The following CAMKMT variants were observed in gnomAD, a reference collection of about 807,000 sequenced individuals.
CAMKMT encodes CaM KMT.
In CAMKMT, 53 loss-of-function variants were observed where a neutral mutation model predicts 48.0. The observed-to-expected ratio is 1.10, with a 90% CI of 0.89 to 1.39. CAMKMT has a LOEUF of 1.39. Ranked by LOEUF, CAMKMT falls within the 40% of genes most tolerant of loss-of-function variation. The pLI is 0.00. For missense variants in CAMKMT, 428 were observed against 402.7 expected, an observed-to-expected ratio of 1.06 and a Z score of -0.54; for synonymous variants, 165 against 152.3, an observed-to-expected ratio of 1.08 and a Z score of -0.61.
chr2:44,606,154 A>G (rs1001550082), intron 3 of CAMKMT, among the ~76,000 whole-genome samples: 2 of 152,142 alleles, frequency 1.3e-5, no homozygotes, highest in Non-Finnish European at 1.5e-5. Flanking sequence ...GCTGTCTACT[A>G]CTTTCCCCAA....
chr2:44,583,271 GAC>G (rs1335725755), intron 3 of CAMKMT, among the ~76,000 whole-genome samples: 1 of 152,094 alleles, frequency 6.6e-6, no homozygotes, highest in South Asian at 2.1e-4. Context: ...CAATGAGCAA[GAC>G]ACACACACAG....
chr2:44,627,183 T>C (rs975436892), intron 3 of CAMKMT, among the ~76,000 whole-genome samples: 1 of 152,214 alleles, frequency 6.6e-6, no homozygotes, highest in Non-Finnish European at 1.5e-5. Context: ...TTTCTAATGT[T>C]AATTCAACCT....
intron 9 of CAMKMT, among the ~76,000 whole-genome samples, chr2:44,756,978 A>G (rs1680409569): frequency 6.6e-6 from 1 of 152,160 alleles, no homozygotes; most frequent in Admixed American, 6.5e-5. Context: ...ACAAACCCCA[A>G]GTCTACATTA....
intron 6 of CAMKMT, 70 bp from the exon 7 acceptor site, chr2:44,715,217 A>G: frequency 1.0e-6 from 1 of 982,078 alleles, no homozygotes; most frequent in Non-Finnish European, 1.5e-6. Context: ...AAAAAAGATA[A>G]CTGTTTCTGG....
At chr2:44,416,330 C>T (rs1005187773) in intron 3 of CAMKMT, among the ~76,000 whole-genome samples, 9 of 152,088 alleles carry the variant, frequency 5.9e-5, no homozygotes, top group Middle Eastern at 3.4e-3. Flanking sequence ...CAGAAATGCA[C>T]CAATTTTGAT....
intron 7 of CAMKMT, among the ~76,000 whole-genome samples, chr2:44,729,133 T>C (rs1678951702): frequency 6.6e-6 from 1 of 152,010 alleles, no homozygotes; most frequent in African/African-American, 2.4e-5. Flanking sequence ...GAGAAGTGAC[T>C]GTACGTAGAA....
At chr2:44,670,976 C>G (rs1347367824) in intron 3 of CAMKMT, among the ~76,000 whole-genome samples, 1 of 152,150 alleles carries the variant, frequency 6.6e-6, no homozygotes, top group Non-Finnish European at 1.5e-5. Context: ...TGACTTTTTA[C>G]CAGGCCTTCT....
At chr2:44,705,366 G>C (rs1457393654) in intron 4 of CAMKMT, 1 of 985,184 alleles carries the variant, frequency 1.0e-6, no homozygotes, top group East Asian at 1.1e-4. Context: ...AAGAGTCTAA[G>C]CATATAAATA....
At chr2:44,572,557 C>T (rs952747563) in intron 3 of CAMKMT, among the ~76,000 whole-genome samples, 3 of 152,068 alleles carry the variant, frequency 2.0e-5, no homozygotes, top group Non-Finnish European at 2.9e-5. Flanking sequence ...AGGTTATTTC[C>T]GTCTGTTGGC....
intron 3 of CAMKMT, among the ~76,000 whole-genome samples, chr2:44,494,799 C>T (rs1669679857): frequency 6.6e-6 from 1 of 152,018 alleles, no homozygotes; most frequent in Non-Finnish European, 1.5e-5. Context: ...TAAAAACATC[C>T]CCAGGAAGCT....
At position 44,549,710 on chromosome 2, in the gene CAMKMT, C is replaced by T. The variant is rs745509552; in HGVS notation, c.377-154573C>T. The T allele has an allele frequency of 2.5e-5, 13 of 523,332 alleles. No homozygotes were observed. The African/African-American group carries it at 2.5e-4, about 10-fold the overall frequency. The allele number at this position is 523,332 out of a possible 1,614,324, so 32.4% of individuals were successfully genotyped here. ...TTTATTGGCTTAAGGATTAAGGATC[C>T]CCAAAGTCTCAGACTTCAGTAAGTA... On this transcript the variant is annotated intron_variant, in intron 3 of 10. Coordinates refer to ENST00000378494, the MANE Select transcript of CAMKMT (RefSeq NM_024766.5).
Position 44,445,645 on chromosome 2 carries a change from GTTTTTTTTTTTTTTTTTTTTTTT to G in CAMKMT, c.376+55366_376+55388del, listed in dbSNP as rs869258613. Reference sequence around the variant, plus strand: ...AGTCCAACATGTCGGCAAAAGGGTAGTTTTTTTTTTTTTTTTTTTTTTTTTTTTTTTTTTTTTTTTTTTTTTTT... The same window carrying G: ...AGTCCAACATGTCGGCAAAAGGGTAGTTTTTTTTTTTTTTTTTTTTTTTTT... On this transcript the variant is annotated intron_variant, in intron 3 of 10. Coordinates refer to ENST00000378494, the MANE Select transcript of CAMKMT (RefSeq NM_024766.5). Among the ~76,000 whole-genome samples, 151 of 101,428 alleles carry G rather than the reference GTTTTTTTTTTTTTTTTTTTTTTT, an allele frequency of 1.5e-3. 19 individuals are homozygous for G. Among genetic ancestry groups the G allele is most frequent in the Admixed American group, 2.5e-3 (25 of 9,854 alleles). 66.5% of individuals were successfully genotyped at this position (101,428 alleles called of 152,430 possible). A position where few individuals can be genotyped will look rare whatever the true frequency, so the allele number is the denominator to read the frequency against.
intron 3 of CAMKMT, among the ~76,000 whole-genome samples, chr2:44,572,843 T>TG (rs1668991537): frequency 6.6e-6 from 1 of 152,246 alleles, no homozygotes; most frequent in South Asian, 2.1e-4. Context: ...TGTTTCATTA[T>TG]TTTTAGGAAC....
intron 3 of CAMKMT, among the ~76,000 whole-genome samples, chr2:44,399,769 G>C (rs1208558801): frequency 6.6e-6 from 1 of 152,130 alleles, no homozygotes; most frequent in Non-Finnish European, 1.5e-5. Context: ...TCTTGCAGGA[G>C]GTGAGCCTGG....
At chr2:44,541,220 C>T (rs1178274905) in intron 3 of CAMKMT, among the ~76,000 whole-genome samples, 32 of 152,118 alleles carry the variant, frequency 2.1e-4, no homozygotes, top group Admixed American at 2.1e-3. Context: ...TTAGTACCAA[C>T]TTAGTTCCAT....
At chr2:44,711,598 G>A (rs1287277047) in intron 6 of CAMKMT, among the ~76,000 whole-genome samples, 1 of 152,144 alleles carries the variant, frequency 6.6e-6, no homozygotes, top group Non-Finnish European at 1.5e-5. Context: ...TTACAGGCGT[G>A]AGCCACTGTG....
intron 3 of CAMKMT, among the ~76,000 whole-genome samples, chr2:44,535,224 A>G (rs1666703406): frequency 6.6e-6 from 1 of 152,206 alleles, no homozygotes; most frequent in Non-Finnish European, 1.5e-5. Flanking sequence ...ATAGACCAAT[A>G]ACAAGTAATG....
chr2:44,437,932 A>G (rs374965296), intron 3 of CAMKMT, among the ~76,000 whole-genome samples: 17 of 151,602 alleles, frequency 1.1e-4, no homozygotes, highest in African/African-American at 4.1e-4. Context: ...TCCTCCAGAG[A>G]TCCACCAAGT....
chr2:44,366,270 T>C (rs1452960661), intron 1 of CAMKMT, among the ~76,000 whole-genome samples: 2 of 152,242 alleles, frequency 1.3e-5, no homozygotes, highest in African/African-American at 4.8e-5. Flanking sequence ...GAAGCACAGT[T>C]AACTTGGCAA....
Sources: allele counts gnomAD v4.1 joint callset (sites outside exome capture counted in the v4.1 genomes callset), GRCh38; gene constraint gnomAD v4.1.1; transcripts MANE v1.5; gene names NCBI Gene and HGNC (gene_info 2026-07-23, HGNC 2026-07-21).